MYT1L: variants seen among roughly 807,000 people sequenced by gnomAD.
MYT1L encodes the protein myelin transcription factor 1-like protein.
A neutral mutation model predicts 126.7 loss-of-function variants in MYT1L; 12 were observed. The observed-to-expected ratio is 0.09, with a 90% confidence interval of 0.06 to 0.15. The LOEUF (loss-of-function observed/expected upper bound fraction) is 0.15, where lower values mean the gene tolerates loss of function less well. Ranked by LOEUF, MYT1L falls within the 10% of genes least tolerant of loss-of-function variation. The pLI, the probability that MYT1L is intolerant of heterozygous loss-of-function variation, is 1.00. For missense variants in MYT1L, 979 were observed against 1,585.2 expected (o/e 0.62, Z 6.49); for synonymous variants, 541 against 604.2 (o/e 0.90, Z 1.53).
intron 14 of MYT1L, among the ~76,000 whole-genome samples, chr2:1,896,872 C>A (rs2049650462): frequency 6.6e-6 from 1 of 152,246 alleles, no homozygotes; most frequent in Non-Finnish European, 1.5e-5. Flanking sequence ...TAAAACGACT[C>A]TCTGCATTTC....
chr2:2,283,249 T>C (rs1291354370), intron 2 of MYT1L, among the ~76,000 whole-genome samples: 4 of 152,258 alleles, frequency 2.6e-5, no homozygotes, highest in Non-Finnish European at 5.9e-5. Context: ...TGGTTGTCAC[T>C]GAATTTTTGA....
At chr2:1,873,536 G>A (rs1311485235) in intron 18 of MYT1L, among the ~76,000 whole-genome samples, 4 of 152,172 alleles carry the variant, frequency 2.6e-5, no homozygotes, top group Non-Finnish European at 4.4e-5. Context: ...AATTGCTACA[G>A]ATGCCCTCCT....
In MYT1L at chr2:1,807,030, T is replaced by C. The variant is rs186726446; in HGVS notation, c.3172+2046A>G. 2.6e-3 allele frequency among the ~76,000 whole-genome samples: 403 copies of C among 152,312 alleles called. 2 individuals carry two copies. Among genetic ancestry groups the C allele is most frequent in the African/African-American group, 8.7e-3 (362 of 41,568 alleles). Reference sequence around the variant, plus strand: ...CCTGGTGTCTCAAAAGCGGGGTCCTTACACTGGCTGCTTGGGACTGCATCC... The same window carrying C: ...CCTGGTGTCTCAAAAGCGGGGTCCTCACACTGGCTGCTTGGGACTGCATCC... On this transcript the variant is annotated intron_variant, in intron 22 of 24. Transcript: ENST00000647738.
chr2:1,800,477 C>G (rs545604989), intron 23 of MYT1L, among the ~76,000 whole-genome samples: 1 of 152,204 alleles, frequency 6.6e-6, no homozygotes, highest in African/African-American at 2.4e-5. Flanking sequence ...GCCACATGGC[C>G]TGGTGGGGAG....
intron 2 of MYT1L, among the ~76,000 whole-genome samples, chr2:2,190,415 A>G (rs1166913181): frequency 1.3e-5 from 2 of 151,462 alleles, no homozygotes; most frequent in Non-Finnish European, 2.9e-5. Context: ...AGATCACACC[A>G]GATGGTGTAA....
intron 2 of MYT1L, among the ~76,000 whole-genome samples, chr2:2,245,805 TC>T (rs1475264011): frequency 6.6e-6 from 1 of 152,140 alleles, no homozygotes; most frequent in Non-Finnish European, 1.5e-5. Flanking sequence ...GATCCATTCT[TC>T]CAATCTTTTC....
chr2:1,804,012 C>T (rs1475729051), intron 22 of MYT1L, among the ~76,000 whole-genome samples: 1 of 152,212 alleles, frequency 6.6e-6, no homozygotes, highest in Non-Finnish European at 1.5e-5. Context: ...CTCCTTATCC[C>T]TGCAGCAGGG....
chr2:2,031,329 T>A (rs960760831), intron 4 of MYT1L, among the ~76,000 whole-genome samples: 7 of 152,134 alleles, frequency 4.6e-5, no homozygotes, highest in African/African-American at 1.7e-4. Context: ...TGAAGTGGGT[T>A]TTCCCATGGT....
chr2:1,953,978 G>A (rs1472371066), intron 8 of MYT1L, among the ~76,000 whole-genome samples: 1 of 152,190 alleles, frequency 6.6e-6, no homozygotes, highest in Admixed American at 6.6e-5. Flanking sequence ...TGAAAAACCT[G>A]AGAAGGTTGA....
intron 5 of MYT1L, among the ~76,000 whole-genome samples, chr2:1,980,458 T>C (rs1415452805): frequency 6.6e-6 from 1 of 152,030 alleles, no homozygotes; most frequent in African/African-American, 2.4e-5. Flanking sequence ...CTCTCAATGT[T>C]GTTTAGTTCC....
intron 3 of MYT1L, among the ~76,000 whole-genome samples, chr2:2,056,305 T>C (rs149564154): frequency 6.6e-6 from 1 of 152,044 alleles, no homozygotes; most frequent in Non-Finnish European, 1.5e-5. Context: ...CTCACAAACA[T>C]GAGAACCCCT....
At chr2:2,070,274 C>A (rs769223670) in intron 3 of MYT1L, among the ~76,000 whole-genome samples, 4 of 152,154 alleles carry the variant, frequency 2.6e-5, no homozygotes, top group Non-Finnish European at 4.4e-5. Flanking sequence ...AGGTAATCTA[C>A]CCCATGTTTC....
At chr2:2,229,457 G>A (rs1368667415) in intron 2 of MYT1L, among the ~76,000 whole-genome samples, 1 of 150,372 alleles carries the variant, frequency 6.7e-6, no homozygotes, top group Non-Finnish European at 1.5e-5. Context: ...TTTTTTTTGT[G>A]TGTGGATACA....
At chr2:2,115,055 G>A (rs1046398116) in intron 3 of MYT1L, among the ~76,000 whole-genome samples, 1 of 152,136 alleles carries the variant, frequency 6.6e-6, no homozygotes, top group South Asian at 2.1e-4. Context: ...TGCCTGGCAC[G>A]CACATCCCCA....
intron 13 of MYT1L, among the ~76,000 whole-genome samples, chr2:1,907,892 G>A (rs1029321879): frequency 2.6e-4 from 40 of 152,344 alleles, no homozygotes; most frequent in Admixed American, 1.9e-3. Flanking sequence ...CCATGGAGGC[G>A]GAAAGCCCGC....
intron 11 of MYT1L, among the ~76,000 whole-genome samples, chr2:1,913,989 C>T (rs922941224): frequency 5.3e-5 from 8 of 152,180 alleles, no homozygotes; most frequent in Non-Finnish European, 1.0e-4. Context: ...GGCGTGGTGG[C>T]TCACACCTGT....
At chr2:2,329,268 GAAGA>G (rs1013663093) in intron 1 of MYT1L, among the ~76,000 whole-genome samples, 1 of 127,414 alleles carries the variant, frequency 7.8e-6, no homozygotes, top group African/African-American at 2.9e-5. Context: ...GGGAGGCAAG[GAAGA>G]ATCCAACCAA....
chr2:2,206,378 A>C (rs1275693971), intron 2 of MYT1L, among the ~76,000 whole-genome samples: 7 of 152,122 alleles, frequency 4.6e-5, no homozygotes, highest in African/African-American at 7.2e-5. Context: ...TCCTTTAAAA[A>C]CCAGCCCACT....
At position 1,889,195 on chromosome 2, in the gene MYT1L, A is replaced by AT; in HGVS notation, c.2520+45dup. 1 of 1,533,636 alleles carries AT rather than the reference A, an allele frequency of 6.5e-7. No individual in the cohort carries two copies. Among genetic ancestry groups the AT allele is most frequent in the Non-Finnish European group, 8.9e-7 (1 of 1,119,480 alleles). On this transcript the variant is annotated intron_variant, in intron 16 of 24. Transcript: ENST00000647738. The surrounding 1 kb of genome is among the most constrained non-coding windows in gnomAD (Gnocchi z 4.1). ...TGGCTTTTCTTTCAGCTGGGGCCCC[A>AT]TTTTTAAGTCTGGCAGTCAACACAG...
Sources: allele counts gnomAD v4.1 joint callset (sites outside exome capture counted in the v4.1 genomes callset), GRCh38; gene constraint gnomAD v4.1.1; non-coding constraint Gnocchi (gnomAD v3.1); transcripts MANE v1.5; gene names NCBI Gene and HGNC (gene_info 2026-07-23, HGNC 2026-07-21).